SLIT2: variants seen among roughly 807,000 people sequenced by gnomAD.
SLIT2 encodes the protein slit homolog 2 protein.
SLIT2 carries 41 observed loss-of-function variants against 185.7 expected under a neutral mutation model. The ratio of observed to expected loss-of-function variants is 0.22; its 90% confidence interval spans 0.17 to 0.29. SLIT2 has a LOEUF of 0.29. Among genes scored for constraint, SLIT2 ranks in the 10% least tolerant of loss-of-function variants. SLIT2 has a pLI of 1.00. For synonymous variants in SLIT2, 693 were observed against 680.2 expected, an observed-to-expected ratio of 1.02 and a Z score of -0.29; for missense variants, 1,571 against 1,909.0, an observed-to-expected ratio of 0.82 and a Z score of 3.30.
intron 5 of SLIT2, among the ~76,000 whole-genome samples, chr4:20,468,641 T>C (rs1351494666): frequency 1.3e-5 from 2 of 152,154 alleles, no homozygotes; most frequent in African/African-American, 4.8e-5. Flanking sequence ...TATTAGCTTC[T>C]AAAAATGATG....
At chr4:20,439,701 C>T (rs1729601371) in intron 4 of SLIT2, among the ~76,000 whole-genome samples, 1 of 152,088 alleles carries the variant, frequency 6.6e-6, no homozygotes, top group Non-Finnish European at 1.5e-5. Flanking sequence ...TTTATCATAG[C>T]CATTGACTTC....
chr4:20,572,982 A>G (rs1725736898), intron 29 of SLIT2, among the ~76,000 whole-genome samples: 1 of 152,228 alleles, frequency 6.6e-6, no homozygotes, highest in South Asian at 2.1e-4. Context: ...CTTAAACAGT[A>G]AAACTGCTGG....
chr4:20,260,847 A>G (rs1712378332), intron 3 of SLIT2, among the ~76,000 whole-genome samples: 1 of 151,684 alleles, frequency 6.6e-6, no homozygotes, highest in African/African-American at 2.4e-5. Context: ...GTTAATAGTA[A>G]AATACCTCCT....
At chr4:20,354,906 TGAGAGA>T (rs35761202) in intron 4 of SLIT2, among the ~76,000 whole-genome samples, 2,401 of 77,020 alleles carry the variant, frequency 0.031, 90 homozygotes, top group East Asian at 0.14. Flanking sequence ...TGTGTGTGTG[TGAGAGA>T]GAGAGAGAGA....
chr4:20,539,582 T>G lies in SLIT2; in HGVS notation c.1974T>G (p.Thr658=). ...TTGATACTCTCCATTCTTTATCTAC[T>G]CTGTAAGTATGAAAAATAGCCCTTA... The part of the protein sequence containing the change: ...GAFDTLHSLS[T]LNLLANPFNC... The change falls in exon 19 of 37, where the codon ACT becomes ACG. Residue 658 remains threonine (T), a splice_region_variant and synonymous_variant. Transcript: ENST00000504154. 1 of 1,601,908 alleles carries G rather than the reference T, an allele frequency of 6.2e-7. No individual in the cohort carries two copies. The highest frequency in any genetic ancestry group is 1.1e-5 in the South Asian group (1 of 89,216).
chr4:20,374,074 T>C (rs1307532219), intron 4 of SLIT2, among the ~76,000 whole-genome samples: 1 of 152,106 alleles, frequency 6.6e-6, no homozygotes, highest in African/African-American at 2.4e-5. Flanking sequence ...ACTTTTGGAT[T>C]GTGAGTCATT....
chr4:20,607,395 T>C (rs1420679961), intron 33 of SLIT2, among the ~76,000 whole-genome samples: 22 of 152,290 alleles, frequency 1.4e-4, no homozygotes, highest in Admixed American at 1.4e-3. Flanking sequence ...CTAAAAACAA[T>C]TGATATATGT....
rs983607163 is a variant in SLIT2, at chr4:20,254,754, C to T, written c.179+760C>T. Reference sequence around the variant, plus strand: ...AAACCAGCCCAACCAGGTCTTACCACTGCGGCGACCCGGCGGTGCCCGGCT... The same window carrying T: ...AAACCAGCCCAACCAGGTCTTACCATTGCGGCGACCCGGCGGTGCCCGGCT... On this transcript the variant is annotated intron_variant, in intron 1 of 36. Coordinates refer to ENST00000504154, the MANE Select transcript of SLIT2 (RefSeq NM_004787.4). The surrounding 1 kb of genome is among the most constrained non-coding windows in gnomAD (Gnocchi z 5.1). 2.6e-5 allele frequency among the ~76,000 whole-genome samples: 4 copies of T among 152,160 alleles called. No homozygotes were observed. Among genetic ancestry groups the T allele is most frequent in the African/African-American group, 9.6e-5 (4 of 41,456 alleles).
At chr4:20,436,810 A>G (rs1729371181) in intron 4 of SLIT2, among the ~76,000 whole-genome samples, 1 of 152,112 alleles carries the variant, frequency 6.6e-6, no homozygotes, top group Non-Finnish European at 1.5e-5. Context: ...TTTCAGAAAA[A>G]CTTTGCTGAC....
intron 4 of SLIT2, among the ~76,000 whole-genome samples, chr4:20,444,571 G>T (rs932276136): frequency 6.6e-6 from 1 of 152,136 alleles, no homozygotes; most frequent in Non-Finnish European, 1.5e-5. Context: ...TGTAAACAGA[G>T]AACATTTTGA....
chr4:20,420,945 C>A (rs1428664897), intron 4 of SLIT2, among the ~76,000 whole-genome samples: 1 of 152,158 alleles, frequency 6.6e-6, no homozygotes, highest in Non-Finnish European at 1.5e-5. Context: ...TAATCTTGGA[C>A]TTCTTAGCCT....
At position 20,442,472 on chromosome 4, in the gene SLIT2, T is replaced by G. The variant is rs180712403; in HGVS notation, c.396-25280T>G. Among the ~76,000 whole-genome samples the G allele has an allele frequency of 2.3e-3, 305 of 133,704 alleles. 1 individual carries two copies. The highest frequency in any genetic ancestry group is 8.4e-3 in the African/African-American group (295 of 35,134). The allele number at this position is 133,704 out of a possible 152,430, so 87.7% of individuals were successfully genotyped here. A position where few individuals can be genotyped will look rare whatever the true frequency, so the allele number is the denominator to read the frequency against. On this transcript the variant is annotated intron_variant, in intron 4 of 36. Coordinates refer to ENST00000504154, the MANE Select transcript of SLIT2 (RefSeq NM_004787.4). ...CCAGGAGGCGGAGCTTGCAGTGAGC[T>G]GAGATCGCGCCACTGCGCTCCAGCC...
In SLIT2 at chr4:20,511,057, T is replaced by G. The variant is rs1719659371; in HGVS notation, c.987-9T>G. 1 of 1,573,336 alleles carries G rather than the reference T, an allele frequency of 6.4e-7. No homozygotes were observed. The highest frequency in any genetic ancestry group is 2.2e-5 in the East Asian group (1 of 44,582). ...ATTGAATGTAACCTAACCCTATTTC[T>G]AATCTTAGTGACCTGAGCAATAATC... is the stretch of plus-strand genomic sequence containing the variant. On this transcript the variant is annotated splice_polypyrimidine_tract_variant and intron_variant, in intron 10 of 36. Coordinates refer to ENST00000504154, the MANE Select transcript of SLIT2 (RefSeq NM_004787.4).
chr4:20,333,328 C>A (rs112451841), intron 4 of SLIT2, among the ~76,000 whole-genome samples: 3 of 152,274 alleles, frequency 2.0e-5, no homozygotes, highest in African/African-American at 4.8e-5. Context: ...CAATCAGTTT[C>A]TTTGGGTGAA....
At chr4:20,576,529 G>A (rs1017714089) in intron 29 of SLIT2, among the ~76,000 whole-genome samples, 5 of 152,130 alleles carry the variant, frequency 3.3e-5, no homozygotes, top group African/African-American at 9.7e-5. Flanking sequence ...AGTGACTTCT[G>A]TTTTTAATTC....
intron 4 of SLIT2, among the ~76,000 whole-genome samples, chr4:20,283,651 C>T (rs766588324): frequency 3.9e-5 from 6 of 152,028 alleles, no homozygotes; most frequent in Non-Finnish European, 7.4e-5. Flanking sequence ...GCTTTGGGGT[C>T]ACCAATTTTT....
chr4:20,462,528 T>C (rs78589372), intron 4 of SLIT2, among the ~76,000 whole-genome samples: 1 of 152,236 alleles, frequency 6.6e-6, no homozygotes, highest in East Asian at 1.9e-4. Context: ...CCATTGAAGA[T>C]TTTACATTTG....
intron 29 of SLIT2, among the ~76,000 whole-genome samples, chr4:20,588,366 A>T (rs998787703): frequency 2.1e-4 from 32 of 152,338 alleles, no homozygotes; most frequent in African/African-American, 7.5e-4. Flanking sequence ...GTTGTCAAGC[A>T]ATGATTTCTA....
intron 4 of SLIT2, among the ~76,000 whole-genome samples, chr4:20,327,659 G>A (rs1408840741): frequency 6.6e-6 from 1 of 151,908 alleles, no homozygotes; most frequent in Non-Finnish European, 1.5e-5. Flanking sequence ...TTTCTTATGT[G>A]AAGTGATAAA....
Sources: allele counts gnomAD v4.1 joint callset (sites outside exome capture counted in the v4.1 genomes callset), GRCh38; gene constraint gnomAD v4.1.1; non-coding constraint Gnocchi (gnomAD v3.1); transcripts MANE v1.5; gene names NCBI Gene and HGNC (gene_info 2026-07-23, HGNC 2026-07-21).